Variants in PDS5B observed in about 807,000 individuals in gnomAD.
PDS5B encodes the protein sister chromatid cohesion protein PDS5 homolog B.
PDS5B carries 51 observed loss-of-function variants against 184.1 expected under a neutral mutation model. The ratio of observed to expected loss-of-function variants is 0.28; its 90% CI spans 0.22 to 0.35. The LOEUF is 0.35. Among genes scored for constraint, PDS5B ranks in the 10% least tolerant of loss-of-function variants. PDS5B has a pLI of 1.00. For missense variants in PDS5B, 1,180 were observed against 1,723.3 expected (o/e 0.68, Z 5.58); for synonymous variants, 566 against 569.2 (o/e 0.99, Z 0.08).
chr13:32,742,520 TA>T (rs1189904331), intron 22 of PDS5B, 70 bp from the exon 23 acceptor site: 19 of 1,318,242 alleles, frequency 1.4e-5, no homozygotes, highest in Non-Finnish European at 1.7e-5. Flanking sequence ...ATTTTATTTT[TA>T]AAAAAAGTTG....
chr13:32,664,598 T>C (rs1950735750), intron 6 of PDS5B, among the ~76,000 whole-genome samples: 1 of 152,144 alleles, frequency 6.6e-6, no homozygotes, highest in Non-Finnish European at 1.5e-5. Context: ...GCTCACTAGC[T>C]CTCTCTCATT....
chr13:32,629,651 T>C (rs2058425161), intron 1 of PDS5B, among the ~76,000 whole-genome samples: 1 of 152,220 alleles, frequency 6.6e-6, no homozygotes, highest in African/African-American at 2.4e-5. Context: ...ATTCATCTTA[T>C]GCCCTTTGAT....
At chr13:32,628,421 G>A (rs2058402372) in intron 1 of PDS5B, among the ~76,000 whole-genome samples, 1 of 151,970 alleles carries the variant, frequency 6.6e-6, no homozygotes, top group Non-Finnish European at 1.5e-5. Context: ...GGTGGCAGGT[G>A]CCTGTAATCC....
At chr13:32,665,588 C>CAAAAAAAAAAAAAAAAAAAAAAA (rs34604938) in intron 6 of PDS5B, among the ~76,000 whole-genome samples, 1 of 25,874 alleles carries the variant, frequency 3.9e-5, no homozygotes, top group Non-Finnish European at 6.5e-5. Context: ...GACTCCGACT[C>CAAAAAAAAAAAAAAAAAAAAAAA]AAAAAAAAAA....
In PDS5B at chr13:32,683,928, G is replaced by A. The variant is rs1951317724; in HGVS notation, c.1108G>A (p.Val370Ile). 3.8e-6 allele frequency: 6 copies of A among 1,593,224 alleles called. No homozygotes were observed. Among genetic ancestry groups the A allele is most frequent in the Non-Finnish European group, 5.2e-6 (6 of 1,162,182 alleles). Reference protein sequence around the residue: ...HDPEEAIRHDVIVSIVTAAKK... With the variant: ...HDPEEAIRHDIIVSIVTAAKK... Reference sequence around the variant, plus strand: ...CCCTGAGGAAGCTATTAGACATGATGTTATTGTGTCAATAGTTACAGCTGC... The same window carrying A: ...CCCTGAGGAAGCTATTAGACATGATATTATTGTGTCAATAGTTACAGCTGC... The change falls in exon 11 of 35, where the codon GTT becomes ATT. Residue 370 changes from valine to isoleucine, a missense_variant. Val to Ile is a conservative substitution (Grantham distance 29). Coordinates refer to ENST00000315596, the MANE Select transcript of PDS5B (RefSeq NM_015032.4).
At chr13:32,721,210 C>A (rs1032633531) in intron 19 of PDS5B, among the ~76,000 whole-genome samples, 10 of 151,728 alleles carry the variant, frequency 6.6e-5, no homozygotes, top group Non-Finnish European at 1.2e-4. Flanking sequence ...ACTTCCCAGA[C>A]GTGGCAGCCG....
chr13:32,678,254 T>C (rs1951126083), intron 9 of PDS5B, among the ~76,000 whole-genome samples: 1 of 152,168 alleles, frequency 6.6e-6, no homozygotes, highest in South Asian at 2.1e-4. Flanking sequence ...ATTTTAACTT[T>C]TTAGGGATAC....
intron 1 of PDS5B, among the ~76,000 whole-genome samples, chr13:32,627,933 ATTC>A (rs1235329500): frequency 6.6e-6 from 1 of 152,198 alleles, no homozygotes; most frequent in African/African-American, 2.4e-5. Context: ...GTATGATTGT[ATTC>A]TTGTTAAAAG....
At chr13:32,660,229 G>GTAATTA (rs1950608215) in intron 6 of PDS5B, among the ~76,000 whole-genome samples, 1 of 152,160 alleles carries the variant, frequency 6.6e-6, no homozygotes, top group Non-Finnish European at 1.5e-5. Context: ...AGAGAAGGGG[G>GTAATTA]AAGCTGGCAA....
chr13:32,740,322 G>GT (rs1484747885), intron 21 of PDS5B, among the ~76,000 whole-genome samples: 1 of 152,180 alleles, frequency 6.6e-6, no homozygotes, highest in Admixed American at 6.5e-5. Flanking sequence ...GGTGCCTAAT[G>GT]TGATTCCTTT....
At chr13:32,712,240 G>A (rs931531440) in intron 19 of PDS5B, among the ~76,000 whole-genome samples, 2 of 152,154 alleles carry the variant, frequency 1.3e-5, no homozygotes, top group East Asian at 1.9e-4. Context: ...TGTACATGGA[G>A]CATTTTAAAA....
intron 19 of PDS5B, among the ~76,000 whole-genome samples, chr13:32,720,857 G>A (rs1952647860): frequency 6.6e-6 from 1 of 152,070 alleles, no homozygotes; most frequent in Admixed American, 6.5e-5. Context: ...TAATGAGCAT[G>A]CTGCCTTCAA....
At chr13:32,604,654 GCTC>G (rs1228994569) in intron 1 of PDS5B, among the ~76,000 whole-genome samples, 1 of 152,200 alleles carries the variant, frequency 6.6e-6, no homozygotes, top group Non-Finnish European at 1.5e-5. Flanking sequence ...AATGGTACCA[GCTC>G]CTCTTTGTAC....
At chr13:32,716,845 G>T (rs1456621665) in intron 19 of PDS5B, among the ~76,000 whole-genome samples, 1 of 132,778 alleles carries the variant, frequency 7.5e-6, no homozygotes, top group Non-Finnish European at 1.7e-5. Flanking sequence ...GGGAGGTTGG[G>T]GGGTCAGCCC....
chr13:32,629,230 T>G (rs1415991457), intron 1 of PDS5B, among the ~76,000 whole-genome samples: 1 of 152,194 alleles, frequency 6.6e-6, no homozygotes, highest in Non-Finnish European at 1.5e-5. Flanking sequence ...TTAAAATAAG[T>G]TTGAAGAATC....
At chr13:32,633,579 C>A (rs1265193558) in intron 1 of PDS5B, among the ~76,000 whole-genome samples, 1 of 152,108 alleles carries the variant, frequency 6.6e-6, no homozygotes, top group Non-Finnish European at 1.5e-5. Flanking sequence ...AAACTAATGT[C>A]TTTCAGGAAT....
chr13:32,743,541 TAGG>T (rs1288951328), intron 23 of PDS5B, among the ~76,000 whole-genome samples: 2 of 152,148 alleles, frequency 1.3e-5, no homozygotes, highest in African/African-American at 4.8e-5. Context: ...TAATACAAAA[TAGG>T]AGAATAGCTC....
At chr13:32,654,816 G>A (rs1306425804) in intron 3 of PDS5B, among the ~76,000 whole-genome samples, 1 of 152,118 alleles carries the variant, frequency 6.6e-6, no homozygotes, top group Non-Finnish European at 1.5e-5. Flanking sequence ...TGTTTGCTTA[G>A]GATAATGGCT....
chr13:32,714,800 G>C (rs1039754244), intron 19 of PDS5B, among the ~76,000 whole-genome samples: 1 of 152,072 alleles, frequency 6.6e-6, no homozygotes, highest in Non-Finnish European at 1.5e-5. Context: ...AAACACACAT[G>C]CTATATAATT....
Sources: allele counts gnomAD v4.1 joint callset (sites outside exome capture counted in the v4.1 genomes callset), GRCh38; gene constraint gnomAD v4.1.1; transcripts MANE v1.5; gene names NCBI Gene and HGNC (gene_info 2026-07-23, HGNC 2026-07-21).